The following KANSL1 variants were observed in gnomAD, a reference collection of about 807,000 sequenced individuals.
KANSL1 encodes KAT8 regulatory NSL complex subunit 1.
A neutral mutation model predicts 103.6 loss-of-function variants in KANSL1; 22 were observed. That is an observed-to-expected ratio of 0.21 (90% confidence interval 0.15 to 0.30). The LOEUF is 0.30. KANSL1 is among the 10% of genes least tolerant of loss of function. KANSL1 has a pLI of 1.00. For missense variants in KANSL1, 1,337 were observed against 1,399.8 expected (o/e 0.96, Z 0.72); for synonymous variants, 600 against 527.6 (o/e 1.14, Z -1.88).
chr17:46,082,932 C>G (rs1433601247), intron 3 of KANSL1, among the ~76,000 whole-genome samples: 2 of 152,094 alleles, frequency 1.3e-5, no homozygotes, highest in Non-Finnish European at 2.9e-5. Context: ...GCTGAAAATG[C>G]TACTATTCTT....
At chr17:46,154,247 A>C (rs2045291337) in intron 2 of KANSL1, among the ~76,000 whole-genome samples, 1 of 152,232 alleles carries the variant, frequency 6.6e-6, no homozygotes, top group South Asian at 2.1e-4. Flanking sequence ...CGTTACTGGC[A>C]ATGAGGGAAG....
At chr17:46,085,558 C>T (rs185577686) in intron 3 of KANSL1, among the ~76,000 whole-genome samples, 249 of 152,270 alleles carry the variant, frequency 1.6e-3, no homozygotes, top group African/African-American at 5.4e-3. Context: ...GGTGTGGTCA[C>T]GAATCACTGT....
chr17:46,137,453 C>T (rs1165634000), intron 2 of KANSL1, among the ~76,000 whole-genome samples: 1 of 152,134 alleles, frequency 6.6e-6, no homozygotes, highest in African/African-American at 2.4e-5. Context: ...TTCTCGCAGC[C>T]CAGCAAAAAT....
intron 2 of KANSL1, among the ~76,000 whole-genome samples, chr17:46,126,132 C>A: frequency 6.6e-6 from 1 of 152,028 alleles, no homozygotes; most frequent in South Asian, 2.1e-4. Context: ...CAGTGTAATC[C>A]CAGCACACCT....
rs978494820 is a variant in KANSL1, at chr17:46,031,113, T to G, written c.*363A>C. 2 of 243,612 alleles carry G rather than the reference T, an allele frequency of 8.2e-6. No individual in the cohort carries two copies. The highest frequency in any genetic ancestry group is 2.2e-5 in the African/African-American group (1 of 45,222). 15.1% of individuals were successfully genotyped at this position (243,612 alleles called of 1,614,324 possible). A position where few individuals can be genotyped will look rare whatever the true frequency, so the allele number is the denominator to read the frequency against. ...CTAGCTCAAGAAGGCCATGCTAAACTGTAGCCCGCCAGGCTGTTCTGCCCT... is the reference window on the plus strand; with the variant it reads ...CTAGCTCAAGAAGGCCATGCTAAACGGTAGCCCGCCAGGCTGTTCTGCCCT... On this transcript the variant is annotated 3_prime_UTR_variant, in exon 15 of 15. Coordinates refer to ENST00000432791, the MANE Select transcript of KANSL1 (RefSeq NM_015443.4).
intron 2 of KANSL1, among the ~76,000 whole-genome samples, chr17:46,168,629 G>A (rs1267494207): frequency 3.9e-5 from 6 of 152,222 alleles, no homozygotes; most frequent in Admixed American, 6.5e-5. Flanking sequence ...GGGATTACAG[G>A]AGTGAGCCAC....
chr17:46,159,461 T>A (rs1187711841), intron 2 of KANSL1, among the ~76,000 whole-genome samples: 1 of 152,206 alleles, frequency 6.6e-6, no homozygotes, highest in African/African-American at 2.4e-5. Context: ...AAATAACATG[T>A]GAAATGTTAA....
At chr17:46,167,557 T>C (rs1213472042) in intron 2 of KANSL1, among the ~76,000 whole-genome samples, 2 of 152,246 alleles carry the variant, frequency 1.3e-5, no homozygotes, top group Admixed American at 1.3e-4. Flanking sequence ...AAAGCAGTTA[T>C]ATTTCCACTG....
chr17:46,216,930 AC>A (rs2048357920), intron 1 of KANSL1, among the ~76,000 whole-genome samples: 1 of 151,916 alleles, frequency 6.6e-6, no homozygotes, highest in Non-Finnish European at 1.5e-5. Context: ...ACATGGCAAG[AC>A]CCCATCTCTA....
intron 2 of KANSL1, among the ~76,000 whole-genome samples, chr17:46,131,687 C>A (rs1216055489): frequency 6.6e-6 from 1 of 152,192 alleles, no homozygotes; most frequent in Admixed American, 6.5e-5. Context: ...GGAGATAGGG[C>A]TGATAGGCAA....
At chr17:46,210,500 A>T (rs796682600) in intron 1 of KANSL1, among the ~76,000 whole-genome samples, 14 of 58,490 alleles carry the variant, frequency 2.4e-4, no homozygotes, top group African/African-American at 3.2e-4. Flanking sequence ...AAAAAAAAAA[A>T]AAGACCTGAG....
rs558728144 is a variant in KANSL1 at position 46,096,908 on chromosome 17, A to G, written c.1290-2207T>C. Reference sequence around the variant, plus strand: ...CTGGGATTACAGGCGTGAGCCACTGAGCCTAGCCCCACTGGCTAATTTTTA... The same window carrying G: ...CTGGGATTACAGGCGTGAGCCACTGGGCCTAGCCCCACTGGCTAATTTTTA... On this transcript the variant is annotated intron_variant, in intron 2 of 14. Transcript: ENST00000432791. Among the ~76,000 whole-genome samples, 9 of 152,256 alleles carry G rather than the reference A, an allele frequency of 5.9e-5. No individual in the cohort carries two copies. In the East Asian group the frequency reaches 1.7e-3, roughly 29 times the overall value.
intron 6 of KANSL1, among the ~76,000 whole-genome samples, chr17:46,060,614 G>A (rs2078123761): frequency 6.6e-6 from 1 of 152,056 alleles, no homozygotes; most frequent in South Asian, 2.1e-4. Flanking sequence ...GGGCCTCCAA[G>A]GTCTATTGCA....
upstream of KANSL1, among the ~76,000 whole-genome samples, chr17:46,194,988 A>C (rs796244432): frequency 6.6e-6 from 1 of 152,394 alleles, no homozygotes; most frequent in East Asian, 1.9e-4. Flanking sequence ...CATAGGGTCA[A>C]ATTACACAAA....
chr17:46,134,083 G>T (rs1056516149), intron 2 of KANSL1, among the ~76,000 whole-genome samples: 1 of 152,238 alleles, frequency 6.6e-6, no homozygotes, highest in Non-Finnish European at 1.5e-5. Context: ...TTTAGCAGAA[G>T]GAATCAAGAG....
At chr17:46,121,580 T>C (rs1044230837) in intron 2 of KANSL1, among the ~76,000 whole-genome samples, 1 of 150,470 alleles carries the variant, frequency 6.6e-6, no homozygotes, top group Non-Finnish European at 1.5e-5. Flanking sequence ...TTTTCCCCTG[T>C]ACTCCTTATC....
At chr17:46,179,040 T>G (rs918872049) in intron 1 of KANSL1, among the ~76,000 whole-genome samples, 8 of 152,218 alleles carry the variant, frequency 5.3e-5, no homozygotes, top group Non-Finnish European at 1.2e-4. Flanking sequence ...CGATGAGTAA[T>G]CTATCACAGG....
chr17:46,160,249 T>C (rs1354121157), intron 2 of KANSL1, among the ~76,000 whole-genome samples: 1 of 152,172 alleles, frequency 6.6e-6, no homozygotes, highest in African/African-American at 2.4e-5. Flanking sequence ...AAAAATAACT[T>C]CAACCACTTC....
At chr17:46,033,251 AC>A in intron 12 of KANSL1, 59 bp from the exon 13 acceptor site, 1 of 1,460,262 alleles carries the variant, frequency 6.8e-7, no homozygotes, top group South Asian at 1.2e-5. Context: ...AACCAGTCCC[AC>A]CCCATTCTAG....
Sources: allele counts gnomAD v4.1 joint callset (sites outside exome capture counted in the v4.1 genomes callset), GRCh38; gene constraint gnomAD v4.1.1; transcripts MANE v1.5; gene names NCBI Gene and HGNC (gene_info 2026-07-23, HGNC 2026-07-21).